RAP1GDS1: variants seen among roughly 807,000 people sequenced by gnomAD.
RAP1GDS1 encodes the protein Rap1 GTPase-GDP dissociation stimulator 1.
A neutral mutation model predicts 71.1 loss-of-function variants in RAP1GDS1; 35 were observed. The observed-to-expected ratio is 0.49, with a 90% CI of 0.38 to 0.65. The LOEUF (loss-of-function observed/expected upper bound fraction) is 0.65. Ranked by LOEUF, RAP1GDS1 falls within the 30% of genes least tolerant of loss-of-function variation. RAP1GDS1 has a pLI of 0.00. For missense variants in RAP1GDS1, 663 were observed against 706.1 expected, an observed-to-expected ratio of 0.94 and a Z score of 0.69; for synonymous variants, 229 against 243.1, an observed-to-expected ratio of 0.94 and a Z score of 0.54.
intron 3 of RAP1GDS1, among the ~76,000 whole-genome samples, chr4:98,352,007 T>C (rs137930733): frequency 0.01 from 1,504 of 150,146 alleles, 15 homozygotes; most frequent in Middle Eastern, 0.05. Context: ...TATATACTTA[T>C]ATTTATATAT....
chr4:98,318,371 A>G (rs190232527), intron 2 of RAP1GDS1, among the ~76,000 whole-genome samples: 1 of 152,318 alleles, frequency 6.6e-6, no homozygotes, highest in Admixed American at 6.5e-5. Context: ...TACTTGTGAT[A>G]AAGTTTAATT....
At chr4:98,430,444 G>A (rs1327003926) in intron 12 of RAP1GDS1, among the ~76,000 whole-genome samples, 1 of 152,176 alleles carries the variant, frequency 6.6e-6, no homozygotes, top group African/African-American at 2.4e-5. Flanking sequence ...TGTTACAGTA[G>A]ACATGACTGC....
At chr4:98,410,462 T>C (rs1487681125) in intron 7 of RAP1GDS1, among the ~76,000 whole-genome samples, 3 of 152,136 alleles carry the variant, frequency 2.0e-5, no homozygotes, top group Non-Finnish European at 4.4e-5. Context: ...AATTGGGAAG[T>C]AGTATCTATT....
Position 98,437,120 on chromosome 4 carries a change from T to C in RAP1GDS1, c.1696+52T>C. 4 of 1,467,144 alleles carry C rather than the reference T, an allele frequency of 2.7e-6. No homozygotes were observed. In the South Asian group the frequency reaches 6.2e-5, roughly 23 times the overall value. 90.9% of individuals were successfully genotyped at this position (1,467,144 alleles called of 1,614,324 possible). A position where few individuals can be genotyped will look rare whatever the true frequency, so the allele number is the denominator to read the frequency against. ...CCATAAACATATGGTTCACATTAAA[T>C]ATTAAATATAGAGTAATAGTAAATG... is the stretch of plus-strand genomic sequence containing the variant. On this transcript the variant is annotated intron_variant, in intron 14 of 14. Coordinates refer to ENST00000408927, the MANE Select transcript of RAP1GDS1 (RefSeq NM_001100427.2).
chr4:98,394,021 C>T (rs991012571), intron 6 of RAP1GDS1, among the ~76,000 whole-genome samples: 1 of 152,074 alleles, frequency 6.6e-6, no homozygotes, highest in Non-Finnish European at 1.5e-5. Context: ...TTAAGGCCCT[C>T]CCTTTTGAAG....
At chr4:98,355,267 C>G (rs1737792017) in intron 4 of RAP1GDS1, among the ~76,000 whole-genome samples, 1 of 152,120 alleles carries the variant, frequency 6.6e-6, no homozygotes, top group Admixed American at 6.5e-5. Flanking sequence ...GTATAGAAAA[C>G]TACATGATAG....
At chr4:98,353,096 C>T (rs1293791035) in intron 4 of RAP1GDS1, among the ~76,000 whole-genome samples, 5 of 152,166 alleles carry the variant, frequency 3.3e-5, no homozygotes, top group Non-Finnish European at 7.4e-5. Flanking sequence ...GTCATTATAT[C>T]ATTGTCATCC....
At chr4:98,400,772 C>A (rs1745291917) in intron 6 of RAP1GDS1, among the ~76,000 whole-genome samples, 2 of 152,096 alleles carry the variant, frequency 1.3e-5, no homozygotes, top group African/African-American at 2.4e-5. Context: ...AAGCTAATTA[C>A]CCTGATCTGC....
Position 98,415,140 on chromosome 4 carries a change from G to A in RAP1GDS1, c.764-1605G>A, listed in dbSNP as rs79346436. Among the ~76,000 whole-genome samples, 691 of 152,232 alleles carry A rather than the reference G, an allele frequency of 4.5e-3. 7 individuals are homozygous for A. The highest frequency in any genetic ancestry group is 0.014 in the East Asian group (71 of 5,182). ...TGATATCTCTCCTACTTGCACATCC[G>A]TTTATAGGCTCTCTGCAAGAAGAAG... On this transcript the variant is annotated intron_variant, in intron 7 of 14. Coordinates refer to ENST00000408927, the MANE Select transcript of RAP1GDS1 (RefSeq NM_001100427.2).
chr4:98,302,939 G>C (rs886462504), intron 2 of RAP1GDS1, among the ~76,000 whole-genome samples: 1 of 152,056 alleles, frequency 6.6e-6, no homozygotes, highest in Non-Finnish European at 1.5e-5. Context: ...CTAGCTACCT[G>C]GGAGGCTGAG....
At chr4:98,315,730 T>G (rs1170047335) in intron 2 of RAP1GDS1, among the ~76,000 whole-genome samples, 1 of 151,926 alleles carries the variant, frequency 6.6e-6, no homozygotes, top group African/African-American at 2.4e-5. Context: ...CTAAACATGA[T>G]TTTTACTTGA....
At chr4:98,349,441 G>T (rs1736806038) in intron 3 of RAP1GDS1, among the ~76,000 whole-genome samples, 1 of 152,120 alleles carries the variant, frequency 6.6e-6, no homozygotes, top group Non-Finnish European at 1.5e-5. Context: ...GATTGACTTG[G>T]CAATGTGGGC....
chr4:98,307,109 C>T (rs1018724197), intron 2 of RAP1GDS1, among the ~76,000 whole-genome samples: 1 of 151,402 alleles, frequency 6.6e-6, no homozygotes, highest in African/African-American at 2.4e-5. Flanking sequence ...ACATATGGTA[C>T]ATGTGAGGAC....
intron 2 of RAP1GDS1, 123 bp downstream of exon 2, chr4:98,293,638 A>G (rs1727284619): frequency 1.4e-6 from 1 of 713,400 alleles, no homozygotes. Context: ...TTTGAATCAT[A>G]TCCCTGAATA....
intron 5 of RAP1GDS1, among the ~76,000 whole-genome samples, chr4:98,390,344 GATTA>G (rs1743424965): frequency 6.6e-6 from 1 of 152,124 alleles, no homozygotes. Context: ...TATAAATACA[GATTA>G]CTTAGTTGAG....
At chr4:98,296,545 GTCAT>G (rs1240473088) in intron 2 of RAP1GDS1, among the ~76,000 whole-genome samples, 1 of 152,076 alleles carries the variant, frequency 6.6e-6, no homozygotes, top group Non-Finnish European at 1.5e-5. Context: ...TTAATATAAA[GTCAT>G]TCATTCACTC....
intron 12 of RAP1GDS1, among the ~76,000 whole-genome samples, chr4:98,430,112 CGAAAA>C (rs1216874297): frequency 2.0e-5 from 3 of 151,958 alleles, no homozygotes; most frequent in Non-Finnish European, 2.9e-5. Context: ...CGCCCATCCC[CGAAAA>C]GAAGAGTTCA....
At chr4:98,413,322 A>G (rs1747366616) in intron 7 of RAP1GDS1, among the ~76,000 whole-genome samples, 1 of 151,778 alleles carries the variant, frequency 6.6e-6, no homozygotes, top group Admixed American at 6.6e-5. Context: ...TGCACCCACT[A>G]ACTCGTCATC....
At chr4:98,370,858 A>G (rs1740272777) in intron 4 of RAP1GDS1, among the ~76,000 whole-genome samples, 1 of 152,150 alleles carries the variant, frequency 6.6e-6, no homozygotes, top group African/African-American at 2.4e-5. Flanking sequence ...GGTGTGAGCC[A>G]TCGCGCCCAG....
Sources: gnomAD v4.1 joint callset for allele counts (sites outside exome capture counted in the v4.1 genomes callset) on GRCh38, gnomAD v4.1.1 for gene constraint, MANE v1.5 for transcripts, NCBI Gene and HGNC (gene_info 2026-07-23, HGNC 2026-07-21) for gene names.